Variants in UBXN7 observed in about 807,000 individuals in gnomAD.
UBXN7 encodes UBX domain protein 7.
Under a neutral mutation model 58.0 loss-of-function variants are expected in UBXN7, and 9 were observed. That is an observed-to-expected ratio of 0.16 (90% CI 0.09 to 0.27). The LOEUF is 0.27. Among genes scored for constraint, UBXN7 ranks in the 10% least tolerant of loss-of-function variants. The pLI, the probability that UBXN7 is intolerant of heterozygous loss-of-function variation, is 1.00. For synonymous variants in UBXN7, 208 were observed against 205.0 expected, an observed-to-expected ratio of 1.01 and a Z score of -0.12; for missense variants, 328 against 599.6, an observed-to-expected ratio of 0.55 and a Z score of 4.73.
Position 196,395,611 on chromosome 3 carries a change from TTTTG to T in UBXN7, c.290-1996_290-1993del, listed in dbSNP as rs768251850. 2.2e-3 allele frequency among the ~76,000 whole-genome samples: 332 copies of T among 151,782 alleles called. 1 individual carries two copies. Among genetic ancestry groups the T allele is most frequent in the African/African-American group, 3.2e-3 (132 of 41,376 alleles). ...AAGTGTGCAGCACCATGTTCAGTTTTTTTGTTTGTTTGTTTGTTTGTTTTTTTAA... is the reference window on the plus strand; with the variant it reads ...AAGTGTGCAGCACCATGTTCAGTTTTTTTGTTTGTTTGTTTGTTTTTTTAA... On this transcript the variant is annotated intron_variant, in intron 3 of 10. Transcript: ENST00000296328.
chr3:196,409,724 C>T (rs1439842871), intron 1 of UBXN7, among the ~76,000 whole-genome samples: 1 of 152,108 alleles, frequency 6.6e-6, no homozygotes, highest in Non-Finnish European at 1.5e-5. Context: ...GTAGAAGCGT[C>T]CTACTCTCTG....
chr3:196,390,089 G>A (rs939914535), intron 5 of UBXN7, among the ~76,000 whole-genome samples: 4 of 151,854 alleles, frequency 2.6e-5, no homozygotes, highest in Admixed American at 2.6e-4. Context: ...TGTGGTAGTG[G>A]GTGTCTGTAG....
intron 8 of UBXN7, among the ~76,000 whole-genome samples, chr3:196,363,890 C>T (rs531006183): frequency 1.3e-5 from 2 of 151,400 alleles, no homozygotes; most frequent in South Asian, 4.2e-4. Flanking sequence ...GCCACTGCAC[C>T]CCAGCCTGGT....
chr3:196,356,917 G>T (rs1728366956), intron 10 of UBXN7, 71 bp from the exon 11 acceptor site: 1 of 1,516,296 alleles, frequency 6.6e-7, no homozygotes. Flanking sequence ...GAATTAAATA[G>T]AAAACATTCT....
chr3:196,417,651 C>G (rs2108622278), intron 1 of UBXN7, among the ~76,000 whole-genome samples: 1 of 141,942 alleles, frequency 7.0e-6, no homozygotes, highest in Admixed American at 7.6e-5. Flanking sequence ...CACTGTAATC[C>G]CAACACTTTG....
At chr3:196,429,483 TTC>T (rs1172925499) in intron 1 of UBXN7, among the ~76,000 whole-genome samples, 2 of 152,240 alleles carry the variant, frequency 1.3e-5, no homozygotes, top group Admixed American at 6.5e-5. Context: ...TTTTTATTTT[TTC>T]TTTTTCTTTT....
At chr3:196,396,472 C>T (rs894007509) in intron 3 of UBXN7, among the ~76,000 whole-genome samples, 18 of 151,620 alleles carry the variant, frequency 1.2e-4, no homozygotes, top group Non-Finnish European at 1.3e-4. Context: ...AATTAAGAAA[C>T]TGGCTGGAGG....
At chr3:196,362,890 C>G (rs527254183) in intron 8 of UBXN7, among the ~76,000 whole-genome samples, 1 of 151,756 alleles carries the variant, frequency 6.6e-6, no homozygotes, top group African/African-American at 2.4e-5. Context: ...CACACACACA[C>G]GTTTTTGTTG....
At chr3:196,375,019 G>GAAGGAAGA (rs1728968042) in intron 5 of UBXN7, among the ~76,000 whole-genome samples, 2 of 125,942 alleles carry the variant, frequency 1.6e-5, no homozygotes, top group East Asian at 4.0e-4. Flanking sequence ...AGGAAGGAAG[G>GAAGGAAGA]AAGGAAGGAA....
Position 196,427,736 on chromosome 3 carries a change from T to A in UBXN7, c.73+4591A>T, listed in dbSNP as rs116078237. Among the ~76,000 whole-genome samples, 195 of 152,350 alleles carry A rather than the reference T, an allele frequency of 1.3e-3. 2 individuals carry two copies. The highest frequency in any genetic ancestry group is 4.5e-3 in the African/African-American group (189 of 41,588). The stretch of plus-strand genomic sequence containing the variant: ...AACAGTAATTCAAAGCCATGTATGA[T>A]AAATATCAGAGGAGATCAAACAGTA... On this transcript the variant is annotated intron_variant, in intron 1 of 10. Coordinates refer to ENST00000296328, the MANE Select transcript of UBXN7 (RefSeq NM_015562.2).
intron 5 of UBXN7, among the ~76,000 whole-genome samples, chr3:196,373,802 C>T (rs1728912131): frequency 6.6e-6 from 1 of 152,186 alleles, no homozygotes; most frequent in Non-Finnish European, 1.5e-5. Flanking sequence ...AAATGATCCT[C>T]CTGCCCTGGC....
rs1728350449 is a variant in UBXN7 at position 196,356,435 on chromosome 3, G to C, written c.*250C>G. 1 of 378,736 alleles carries C rather than the reference G, an allele frequency of 2.6e-6. No homozygotes were observed. The highest frequency in any genetic ancestry group is 2.1e-5 in the African/African-American group (1 of 46,916). The allele number at this position is 378,736 out of a possible 1,614,324, so 23.5% of individuals were successfully genotyped here. A position where few individuals can be genotyped will look rare whatever the true frequency, so the allele number is the denominator to read the frequency against. ...TCAGTTTGGTCACCAGATTAGGTAA[G>C]AAAGAAAAGTGTGGGGGGAGGGGGA... On this transcript the variant is annotated 3_prime_UTR_variant, in exon 11 of 11. Coordinates refer to ENST00000296328, the MANE Select transcript of UBXN7 (RefSeq NM_015562.2).
chr3:196,426,621 G>A (rs998590004), intron 1 of UBXN7, among the ~76,000 whole-genome samples: 5 of 152,062 alleles, frequency 3.3e-5, no homozygotes, highest in African/African-American at 9.7e-5. Context: ...GGTCGAAGCA[G>A]GAGGATCACC....
Position 196,375,157 on chromosome 3 carries a change from T to C in UBXN7, c.469-3115A>G, listed in dbSNP as rs1243942422. 4.0e-5 allele frequency among the ~76,000 whole-genome samples: 6 copies of C among 148,426 alleles called. No homozygotes were observed. In the South Asian group the frequency reaches 1.1e-3, roughly 27 times the overall value. On this transcript the variant is annotated intron_variant, in intron 5 of 10. Coordinates refer to ENST00000296328, the MANE Select transcript of UBXN7 (RefSeq NM_015562.2). ...ATCGTATTATACATTGAAAATGTGC[T>C]GAGAGCAGATTATTAGGTGCTCTTA... is the stretch of plus-strand genomic sequence containing the variant.
At chr3:196,417,921 TA>T (rs1046279873) in intron 1 of UBXN7, among the ~76,000 whole-genome samples, 271 of 138,056 alleles carry the variant, frequency 2.0e-3, no homozygotes, top group Admixed American at 2.5e-3. Flanking sequence ...ATCCTGTCTC[TA>T]AAAAAAAAAA....
At chr3:196,382,734 C>G (rs1202200662) in intron 5 of UBXN7, among the ~76,000 whole-genome samples, 1 of 152,134 alleles carries the variant, frequency 6.6e-6, no homozygotes, top group African/African-American at 2.4e-5. Context: ...GTGCTGTATT[C>G]AGGAGACCCA....
At chr3:196,380,938 G>A (rs375427935) in intron 5 of UBXN7, among the ~76,000 whole-genome samples, 6 of 152,232 alleles carry the variant, frequency 3.9e-5, no homozygotes, top group East Asian at 1.9e-4. Flanking sequence ...AGGGGCGTCC[G>A]CCATTGCTGA....
intron 1 of UBXN7, among the ~76,000 whole-genome samples, chr3:196,428,407 T>A (rs951097450): frequency 1.3e-5 from 2 of 149,094 alleles, no homozygotes; most frequent in Admixed American, 1.3e-4. Context: ...AAGCTATAAT[T>A]GTGCCACTGT....
rs1375107511 is a variant in UBXN7 at position 196,348,268 on chromosome 3, GC to G, written c.*8416del. The G allele has an allele frequency of 6.6e-6, 1 of 151,902 alleles. No individual in the cohort carries two copies. The highest frequency in any genetic ancestry group is 2.4e-5 in the African/African-American group (1 of 41,322). 9.4% of individuals were successfully genotyped at this position (151,902 alleles called of 1,614,324 possible). The stretch of plus-strand genomic sequence containing the variant: ...AAAAAATTTAGTGGATGGTCCAGCT[GC>G]CCCTTGCTCAACAATCCCAAAGACT... On this transcript the variant is annotated 3_prime_UTR_variant, in exon 11 of 11. Coordinates refer to ENST00000296328, the MANE Select transcript of UBXN7 (RefSeq NM_015562.2).
Sources: gnomAD v4.1 joint callset for allele counts (sites outside exome capture counted in the v4.1 genomes callset) on GRCh38, gnomAD v4.1.1 for gene constraint, MANE v1.5 for transcripts, NCBI Gene and HGNC (gene_info 2026-07-23, HGNC 2026-07-21) for gene names.